The following KRT86 variants were observed in gnomAD, a reference collection of about 807,000 sequenced individuals.
KRT86 encodes the protein keratin, type II cuticular Hb6.
In KRT86, 30 loss-of-function variants were observed where a neutral mutation model predicts 41.2. The ratio of observed to expected loss-of-function variants is 0.73; its 90% CI spans 0.54 to 0.99. KRT86 has a LOEUF of 0.99. KRT86 is among the 50% of genes least tolerant of loss of function. KRT86 has a pLI of 0.00. For synonymous variants in KRT86, 238 were observed against 238.1 expected (o/e 1.00, Z 0.00); for missense variants, 561 against 571.4 (o/e 0.98, Z 0.19).
rs372586383 is a variant in KRT86 at position 52,304,446 on chromosome 12, C to T, written c.639+275C>T. On this transcript the variant is annotated intron_variant, in intron 5 of 10. Coordinates refer to ENST00000423955, the MANE Select transcript of KRT86 (RefSeq NM_001320198.2). ...CTGTTCCAGAGGTTGTGGTCTATTG[C>T]TGAGGCCCCTGGAGCCATAGCAGAT... is the stretch of plus-strand genomic sequence containing the variant. 0.68 allele frequency among the ~76,000 whole-genome samples: 94,779 copies of T among 139,224 alleles called. 31,940 individuals are homozygous for T. Among genetic ancestry groups the T allele is most frequent in the African/African-American group, 0.8 (27,889 of 35,012 alleles). The allele number at this position is 139,224 out of a possible 152,430, so 91.3% of individuals were successfully genotyped here.
At chr12:52,290,542 C>CCA (rs1555186457) in intron 2 of KRT86, among the ~76,000 whole-genome samples, 2 of 17,722 alleles carry the variant, frequency 1.1e-4, no homozygotes, top group East Asian at 1.8e-3. Context: ...TGACCCCCCC[C>CCA]CCCCAACCCA....
intron 2 of KRT86, among the ~76,000 whole-genome samples, chr12:52,298,696 C>T (rs1938304974): frequency 6.6e-6 from 1 of 152,218 alleles, no homozygotes. Context: ...TGAGTTTACA[C>T]AGCTAGAGAG....
At position 52,297,613 on chromosome 12, in the gene KRT86, T is replaced by C. The variant is rs959731680; in HGVS notation, c.-4-4300T>C. Among the ~76,000 whole-genome samples, 3 of 152,190 alleles carry C rather than the reference T, an allele frequency of 2.0e-5. No individual in the cohort carries two copies. The East Asian group carries it at 5.8e-4, about 29-fold the overall frequency. ...CATTCTTTACAAGTGCCCCTTGAAA[T>C]AAAGGTCCACTTGGGCTAAAAGAAG... On this transcript the variant is annotated intron_variant, in intron 2 of 10. Transcript: ENST00000423955.
chr12:52,299,086 C>T (rs568636300), intron 2 of KRT86, among the ~76,000 whole-genome samples: 17 of 152,286 alleles, frequency 1.1e-4, no homozygotes, highest in African/African-American at 2.4e-4. Flanking sequence ...CTCATTAACA[C>T]GTCTTTATCT....
At chr12:52,286,090 C>A (rs1937918990) in intron 2 of KRT86, 1 of 685,056 alleles carries the variant, frequency 1.5e-6, no homozygotes, top group Admixed American at 2.3e-5. Flanking sequence ...GGTGGCAGAG[C>A]CCAGAAGTGG....
At position 52,306,716 on chromosome 12, in the gene KRT86, C is replaced by T. The variant is rs2121316554; in HGVS notation, c.1247+436C>T. The T allele has an allele frequency of 1.5e-5, 4 of 261,074 alleles. No individual in the cohort carries two copies. In the South Asian group the frequency reaches 2.3e-4, roughly 15 times the overall value. 16.2% of individuals were successfully genotyped at this position (261,074 alleles called of 1,614,324 possible). A position where few individuals can be genotyped will look rare whatever the true frequency, so the allele number is the denominator to read the frequency against. Reference sequence around the variant, plus strand: ...AGCTTCAGATAGATGACACTATCAACTCATGCTTTTCTATTATAGTGCCAA... The same window carrying T: ...AGCTTCAGATAGATGACACTATCAATTCATGCTTTTCTATTATAGTGCCAA... On this transcript the variant is annotated intron_variant, in intron 9 of 10. Coordinates refer to ENST00000423955, the MANE Select transcript of KRT86 (RefSeq NM_001320198.2).
intron 2 of KRT86, among the ~76,000 whole-genome samples, chr12:52,298,423 C>T (rs17706759): frequency 0.056 from 8,573 of 152,236 alleles, 306 homozygotes; most frequent in Non-Finnish European, 0.081. Flanking sequence ...TAAGATAAGG[C>T]GGTTAATGAA....
chr12:52,291,221 G>C, intron 2 of KRT86: 2 of 1,468,446 alleles, frequency 1.4e-6, no homozygotes, highest in South Asian at 1.3e-5. Context: ...CTCGTTGACC[G>C]ACACGGTGGT....
Position 52,292,983 on chromosome 12 carries a change from G to A in KRT86, c.-4-8930G>A, listed in dbSNP as rs916807137. Among the ~76,000 whole-genome samples, 9 of 152,222 alleles carry A rather than the reference G, an allele frequency of 5.9e-5. No homozygotes were observed. In the South Asian group the frequency reaches 1.5e-3, roughly 25 times the overall value. On this transcript the variant is annotated intron_variant, in intron 2 of 10. Coordinates refer to ENST00000423955, the MANE Select transcript of KRT86 (RefSeq NM_001320198.2). ...TTAAGACCAGAGATGGTGAAACCCC[G>A]TCTCTACTACAAATACAAAAATTAG...
Position 52,274,671 on chromosome 12 carries a change from G to A in KRT86, c.-182G>A, listed in dbSNP as rs1034271424. 9 of 984,828 alleles carry A rather than the reference G, an allele frequency of 9.1e-6. No individual in the cohort carries two copies. The African/African-American group carries it at 1.4e-4, about 15-fold the overall frequency. 61.0% of individuals were successfully genotyped at this position (984,828 alleles called of 1,614,324 possible). On this transcript the variant is annotated 5_prime_UTR_variant, in exon 1 of 11. Transcript: ENST00000423955. The stretch of plus-strand genomic sequence containing the variant: ...TTCTGGTAGCTCTTGGGCTGAAGCT[G>A]GGCTTTGGTGCTCAAGAGAGGCTTG...
intron 2 of KRT86, chr12:52,287,740 C>T: frequency 6.2e-7 from 1 of 1,614,064 alleles, no homozygotes; most frequent in South Asian, 1.1e-5. Flanking sequence ...AGTAGAGATG[C>T]TCATGAGGTT....
At position 52,287,145 on chromosome 12, in the gene KRT86, C is replaced by T. The variant is rs56821304; in HGVS notation, c.-5+11199C>T. ...AGCAGGCGCCTGTAGGTGGCGATCT[C>T]GATGTCCAGGCCCAGCTTGGAGTTC... On this transcript the variant is annotated intron_variant, in intron 2 of 10. Coordinates refer to ENST00000423955, the MANE Select transcript of KRT86 (RefSeq NM_001320198.2). 1.9e-6 allele frequency: 3 copies of T among 1,613,490 alleles called. No homozygotes were observed. The highest frequency in any genetic ancestry group is 2.5e-6 in the Non-Finnish European group (3 of 1,180,016).
At chr12:52,285,228 C>G (rs1031496825) in intron 2 of KRT86, among the ~76,000 whole-genome samples, 1 of 152,176 alleles carries the variant, frequency 6.6e-6, no homozygotes, top group Non-Finnish European at 1.5e-5. Context: ...CAGGGCCCAG[C>G]TTGGGGCCCA....
chr12:52,298,621 G>C (rs533783633), intron 2 of KRT86, among the ~76,000 whole-genome samples: 1 of 152,076 alleles, frequency 6.6e-6, no homozygotes, highest in Admixed American at 6.6e-5. Context: ...TTTATGAGGT[G>C]GGTACTATTA....
chr12:52,305,556 T>C lies in KRT86; in HGVS notation c.901-107T>C, dbSNP rs956439599. 8 of 1,603,844 alleles carry C rather than the reference T, an allele frequency of 5.0e-6. No homozygotes were observed. In the African/African-American group the frequency reaches 9.4e-5, roughly 19 times the overall value. On this transcript the variant is annotated intron_variant, in intron 7 of 10. Transcript: ENST00000423955. ...GGGGTGGTAGGGCAGGACTGCCATG[T>C]GTGGTTGCACAGGCTGAGCACTGCA...
chr12:52,301,469 A>G (rs1203891087), intron 2 of KRT86, among the ~76,000 whole-genome samples: 2 of 151,938 alleles, frequency 1.3e-5, no homozygotes, highest in Non-Finnish European at 2.9e-5. Flanking sequence ...GGCTAGTCCT[A>G]TGAGCACCGC....
intron 2 of KRT86, among the ~76,000 whole-genome samples, chr12:52,299,580 C>T (rs568799350): frequency 8.5e-4 from 129 of 152,256 alleles, no homozygotes; most frequent in African/African-American, 3.0e-3. Flanking sequence ...CAAGTGTTCC[C>T]CTTTCTCCAC....
rs1310389163 is a variant in KRT86, at chr12:52,302,092, G to A, written c.176G>A (p.Cys59Tyr). 2.1e-5 allele frequency: 33 copies of A among 1,581,022 alleles called. No individual in the cohort carries two copies. Among genetic ancestry groups the A allele is most frequent in the Non-Finnish European group, 2.7e-5 (32 of 1,165,482 alleles). ...TGCGGAGGCTTTCGGGCCGGCTCCT[G>A]CGGACGCAGCTTCGGCTACCGCTCC... is the stretch of plus-strand genomic sequence containing the variant. ...SVCGGFRAGS[C>Y]GRSFGYRSGG... Residue 59 changes from cysteine (C) to tyrosine (Y), a missense_variant, in exon 3 of 11, where the codon TGC (cysteine) becomes TAC (tyrosine). Transcript: ENST00000423955.
At chr12:52,276,269 C>T (rs1315847408) in intron 2 of KRT86, among the ~76,000 whole-genome samples, 1 of 152,090 alleles carries the variant, frequency 6.6e-6, no homozygotes, top group Admixed American at 6.5e-5. Flanking sequence ...CATTTGAGCC[C>T]ATCTTCAGAA....
Sources: gnomAD v4.1 joint callset for allele counts (sites outside exome capture counted in the v4.1 genomes callset) on GRCh38, gnomAD v4.1.1 for gene constraint, MANE v1.5 for transcripts, NCBI Gene and HGNC (gene_info 2026-07-23, HGNC 2026-07-21) for gene names.